Variants in R3HCC1L observed in about 807,000 individuals in gnomAD.
R3HCC1L encodes the protein coiled-coil domain-containing protein R3HCC1L.
Under a neutral mutation model 59.9 loss-of-function variants are expected in R3HCC1L, and 51 were observed. The ratio of observed to expected loss-of-function variants is 0.85; its 90% CI spans 0.68 to 1.07. R3HCC1L has a LOEUF of 1.07. Ranked by LOEUF, R3HCC1L falls within the 50% of genes least tolerant of loss-of-function variation. The pLI is 0.00. For missense variants in R3HCC1L, 965 were observed against 933.0 expected (o/e 1.03, Z -0.45); for synonymous variants, 322 against 315.2 (o/e 1.02, Z -0.23).
chr10:98,236,272 C>T (rs1856949501), intron 9 of R3HCC1L, 108 bp downstream of exon 9: 2 of 1,385,284 alleles, frequency 1.4e-6, no homozygotes, highest in Non-Finnish European at 2.0e-6. Flanking sequence ...GTTTCTGTTT[C>T]CTAGAAGCCT....
intron 8 of R3HCC1L, among the ~76,000 whole-genome samples, chr10:98,235,772 A>G (rs1351288086): frequency 6.6e-6 from 1 of 152,192 alleles, no homozygotes; most frequent in Non-Finnish European, 1.5e-5. Flanking sequence ...ATCCCTACCT[A>G]GTTTACCTCT....
chr10:98,178,364 C>A (rs185665775), intron 4 of R3HCC1L, among the ~76,000 whole-genome samples: 1 of 152,210 alleles, frequency 6.6e-6, no homozygotes, highest in Non-Finnish European at 1.5e-5. Context: ...TGTCAAAGAT[C>A]AGAGGGTTGT....
Position 98,208,296 on chromosome 10 carries a change from T to C in R3HCC1L, c.182T>C (p.Val61Ala), listed in dbSNP as rs555004057. 1.9e-6 allele frequency: 3 copies of C among 1,614,154 alleles called. No individual in the cohort carries two copies. The African/African-American group carries it at 4.0e-5, about 22-fold the overall frequency. Residue 61 changes from valine to alanine, a missense_variant, in exon 5 of 10, where the codon GTC (valine) becomes GCC (alanine). By Grantham distance (64) the Val-to-Ala change is moderately conservative (BLOSUM62 0). Coordinates refer to ENST00000298999, the MANE Select transcript of R3HCC1L (RefSeq NM_001351015.2). ...GAAAGTTCTCTCTCCCAAAAAGAAG[T>C]CTTTAAAGACAAACCGGAGGCTCGA... ...QKESSLSQKEVFKDKPEARRL... is the reference protein window; with the variant it reads ...QKESSLSQKEAFKDKPEARRL...
At chr10:98,169,468 T>C (rs528122380) in intron 4 of R3HCC1L, among the ~76,000 whole-genome samples, 9 of 152,280 alleles carry the variant, frequency 5.9e-5, no homozygotes, top group Admixed American at 3.3e-4. Context: ...GTCCCTGTCA[T>C]GTAGTAAGCA....
At chr10:98,236,327 G>C (rs951432145) in intron 9 of R3HCC1L, among the ~76,000 whole-genome samples, 163 bp downstream of exon 9, 10 of 152,180 alleles carry the variant, frequency 6.6e-5, no homozygotes, top group African/African-American at 2.2e-4. Flanking sequence ...AGGAGAAGAT[G>C]TTTCAGGATT....
At chr10:98,136,529 T>C (rs1330273575) in intron 1 of R3HCC1L, among the ~76,000 whole-genome samples, 1 of 152,244 alleles carries the variant, frequency 6.6e-6, no homozygotes, top group East Asian at 1.9e-4. Context: ...TTTTATATAG[T>C]ATTTTTAATA....
intron 1 of R3HCC1L, among the ~76,000 whole-genome samples, chr10:98,151,518 G>T (rs1846156031): frequency 6.6e-6 from 1 of 152,086 alleles, no homozygotes; most frequent in Non-Finnish European, 1.5e-5. Flanking sequence ...CCACCACTTT[G>T]TCTGTTTATC....
intron 4 of R3HCC1L, among the ~76,000 whole-genome samples, chr10:98,163,906 A>G (rs1159646347): frequency 6.6e-6 from 1 of 152,204 alleles, no homozygotes; most frequent in Non-Finnish European, 1.5e-5. Flanking sequence ...ACTTTTAAAT[A>G]TTACCCTATA....
chr10:98,197,745 A>G (rs1851599666), intron 4 of R3HCC1L, among the ~76,000 whole-genome samples: 2 of 152,342 alleles, frequency 1.3e-5, no homozygotes, highest in South Asian at 4.2e-4. Flanking sequence ...ATGTGCAAAC[A>G]AGTAACTATA....
chr10:98,151,927 TCTCCCC>T lies in R3HCC1L; in HGVS notation c.-267-4165_-267-4160del, dbSNP rs1463016917. Among the ~76,000 whole-genome samples the T allele has an allele frequency of 2.0e-5, 3 of 152,030 alleles. No individual in the cohort carries two copies. In the East Asian group the frequency reaches 5.8e-4, roughly 29 times the overall value. On this transcript the variant is annotated intron_variant, in intron 1 of 9. Coordinates refer to ENST00000298999, the MANE Select transcript of R3HCC1L (RefSeq NM_001351015.2). ...CTCGCTCTCTCTCTCTCCCTCTCCC[TCTCCCC>T]ACGGTCTCCCTCTCCCTCTCTTTCC...
intron 1 of R3HCC1L, among the ~76,000 whole-genome samples, chr10:98,147,405 T>C (rs1845769142): frequency 6.6e-6 from 1 of 152,178 alleles, no homozygotes; most frequent in South Asian, 2.1e-4. Context: ...GCAGAAACTT[T>C]GTAGCTTGAT....
At chr10:98,226,079 G>T (rs1855641824) in intron 5 of R3HCC1L, among the ~76,000 whole-genome samples, 1 of 151,964 alleles carries the variant, frequency 6.6e-6, no homozygotes, top group African/African-American at 2.4e-5. Context: ...AACTCAAGCA[G>T]TTTGCCTGCC....
At chr10:98,135,497 G>A (rs140454957) in intron 1 of R3HCC1L, among the ~76,000 whole-genome samples, 10 of 152,182 alleles carry the variant, frequency 6.6e-5, no homozygotes, top group East Asian at 1.9e-4. Context: ...AGTATGTTTC[G>A]GGTATAACCT....
At chr10:98,203,795 G>A (rs978123044) in intron 4 of R3HCC1L, among the ~76,000 whole-genome samples, 1 of 152,196 alleles carries the variant, frequency 6.6e-6, no homozygotes, top group Non-Finnish European at 1.5e-5. Context: ...CTCTCAGGGA[G>A]CCGTGGAAAC....
Position 98,209,661 on chromosome 10 carries a change from C to T in R3HCC1L, c.1547C>T (p.Thr516Ile), listed in dbSNP as rs147959217. ...GACCTGGGTAGTACTGGTGATACAA[C>T]AGAAGCATTGCACGAACTAAGAACT... ...GIDLGSTGDT[T>I]EALHELRTAE... is the part of the protein sequence containing the mutation. Residue 516 changes from threonine (T) to isoleucine (I), a missense_variant, in exon 5 of 10, where the codon ACA becomes ATA. Coordinates refer to ENST00000298999, the MANE Select transcript of R3HCC1L (RefSeq NM_001351015.2). 10 of 1,614,000 alleles carry T rather than the reference C, an allele frequency of 6.2e-6. No individual in the cohort carries two copies. Among genetic ancestry groups the T allele is most frequent in the Non-Finnish European group, 8.5e-6 (10 of 1,179,950 alleles).
At position 98,244,448 on chromosome 10, in the gene R3HCC1L, T is replaced by A. The variant is rs957102222; in HGVS notation, c.*290T>A. Reference sequence around the variant, plus strand: ...GTTGCCTGGACAGGGCAAGTCATGTTAGCGTGGGTCACACTTCCAAGATAT... The same window carrying A: ...GTTGCCTGGACAGGGCAAGTCATGTAAGCGTGGGTCACACTTCCAAGATAT... On this transcript the variant is annotated 3_prime_UTR_variant, in exon 10 of 10. Coordinates refer to ENST00000298999, the MANE Select transcript of R3HCC1L (RefSeq NM_001351015.2). The A allele has an allele frequency of 1.7e-5, 5 of 296,320 alleles. No homozygotes were observed. The highest frequency in any genetic ancestry group is 1.1e-4 in the African/African-American group (5 of 46,762). The allele number at this position is 296,320 out of a possible 1,614,324, so 18.4% of individuals were successfully genotyped here.
At chr10:98,201,399 T>C (rs1003942768) in intron 4 of R3HCC1L, among the ~76,000 whole-genome samples, 5 of 152,234 alleles carry the variant, frequency 3.3e-5, no homozygotes, top group Non-Finnish European at 7.3e-5. Flanking sequence ...AATACCTCAC[T>C]TAAGACATTT....
At chr10:98,153,419 C>G (rs1363537638) in intron 1 of R3HCC1L, among the ~76,000 whole-genome samples, 1 of 151,990 alleles carries the variant, frequency 6.6e-6, no homozygotes, top group Non-Finnish European at 1.5e-5. Flanking sequence ...GCAGCAGACT[C>G]GTTAAAGAGT....
At chr10:98,186,239 G>A (rs767414579) in intron 4 of R3HCC1L, among the ~76,000 whole-genome samples, 22 of 152,162 alleles carry the variant, frequency 1.4e-4, no homozygotes, top group Non-Finnish European at 2.9e-4. Flanking sequence ...TAATATGTAA[G>A]TCATGGTAAA....
Sources: allele counts gnomAD v4.1 joint callset (sites outside exome capture counted in the v4.1 genomes callset), GRCh38; gene constraint gnomAD v4.1.1; transcripts MANE v1.5; gene names NCBI Gene and HGNC (gene_info 2026-07-23, HGNC 2026-07-21).